Variants in DLGAP1 observed in about 807,000 individuals in gnomAD.
DLGAP1 encodes DLG associated protein 1.
Under a neutral mutation model 90.8 loss-of-function variants are expected in DLGAP1, and 11 were observed. The ratio of observed to expected loss-of-function variants is 0.12; its 90% CI spans 0.08 to 0.20. The LOEUF is 0.20. Ranked by LOEUF, DLGAP1 falls within the 10% of genes least tolerant of loss-of-function variation. The probability of loss-of-function intolerance (pLI) is 1.00; values close to 1 mark genes in which losing one functional copy is unlikely to be tolerated. For synonymous variants in DLGAP1, 558 were observed against 540.7 expected, an observed-to-expected ratio of 1.03 and a Z score of -0.44; for missense variants, 1,050 against 1,333.8, an observed-to-expected ratio of 0.79 and a Z score of 3.31.
At chr18:3,794,558 G>A (rs930813711) in intron 5 of DLGAP1, among the ~76,000 whole-genome samples, 2 of 152,230 alleles carry the variant, frequency 1.3e-5, no homozygotes, top group Non-Finnish European at 2.9e-5. Flanking sequence ...GAAGGTGGAA[G>A]GTTCCTCTAT....
At chr18:4,105,714 AT>A (rs1277843824) in intron 2 of DLGAP1, among the ~76,000 whole-genome samples, 2 of 152,220 alleles carry the variant, frequency 1.3e-5, no homozygotes, top group Non-Finnish European at 2.9e-5. Flanking sequence ...ATATCCAAAA[AT>A]CAGGAGAAAA....
intron 3 of DLGAP1, among the ~76,000 whole-genome samples, chr18:4,002,240 A>C (rs932676273): frequency 2.0e-5 from 3 of 152,032 alleles, no homozygotes; most frequent in African/African-American, 7.3e-5. Flanking sequence ...AAGCAACCAA[A>C]CTTTTAGTCT....
At chr18:3,780,711 A>C (rs1340619319) in intron 5 of DLGAP1, among the ~76,000 whole-genome samples, 3 of 152,196 alleles carry the variant, frequency 2.0e-5, no homozygotes, top group Non-Finnish European at 4.4e-5. Context: ...TAAGATGTGG[A>C]TATCTTTGCA....
chr18:3,538,461 TGAAA>T (rs2052507425), intron 9 of DLGAP1, among the ~76,000 whole-genome samples: 2 of 151,968 alleles, frequency 1.3e-5, no homozygotes, highest in African/African-American at 2.4e-5. Context: ...GTGCTAGCAA[TGAAA>T]GAAAGAACAA....
intron 2 of DLGAP1, among the ~76,000 whole-genome samples, chr18:4,112,122 C>A (rs1018971529): frequency 6.6e-6 from 1 of 151,876 alleles, no homozygotes; most frequent in Non-Finnish European, 1.5e-5. Context: ...CATTTTGGTA[C>A]GTTGTACTTT....
intron 3 of DLGAP1, among the ~76,000 whole-genome samples, chr18:3,984,817 T>G (rs570789956): frequency 9.2e-5 from 14 of 151,982 alleles, no homozygotes; most frequent in African/African-American, 3.4e-4. Flanking sequence ...CATCTCGGTG[T>G]TTGGGTCTTT....
chr18:4,336,156 G>A (rs1041101817), intron 1 of DLGAP1, among the ~76,000 whole-genome samples: 9 of 152,118 alleles, frequency 5.9e-5, no homozygotes, highest in Admixed American at 5.9e-4. Flanking sequence ...CCATTCATAG[G>A]TACTTTTGCT....
chr18:4,437,555 T>G (rs926759956), intron 1 of DLGAP1, among the ~76,000 whole-genome samples: 3 of 149,800 alleles, frequency 2.0e-5, no homozygotes, highest in African/African-American at 7.3e-5. Flanking sequence ...TAGGGAATGA[T>G]GACAAGAAAA....
intron 7 of DLGAP1, among the ~76,000 whole-genome samples, chr18:3,717,844 G>T (rs994600463): frequency 6.6e-6 from 1 of 152,182 alleles, no homozygotes; most frequent in African/African-American, 2.4e-5. Context: ...AAAGTGACTG[G>T]TATTTAAAGT....
chr18:3,976,160 A>G lies in DLGAP1; in HGVS notation c.-73+28956T>C, dbSNP rs576035836. ...TCGGGAGTTTGAGACCAGCCTGACC[A>G]ACATGGAGAAACCCGTCTCTACTAA... On this transcript the variant is annotated intron_variant, in intron 3 of 12. Transcript: ENST00000315677. Among the ~76,000 whole-genome samples the G allele has an allele frequency of 5.9e-5, 9 of 151,278 alleles. No individual in the cohort carries two copies. In the East Asian group the frequency reaches 1.4e-3, roughly 23 times the overall value.
At chr18:3,656,978 C>G (rs953867174) in intron 7 of DLGAP1, among the ~76,000 whole-genome samples, 3 of 152,006 alleles carry the variant, frequency 2.0e-5, no homozygotes, top group Non-Finnish European at 2.9e-5. Context: ...GATCTCCTGA[C>G]CTTGTGATCC....
chr18:4,062,343 C>T, intron 2 of DLGAP1, among the ~76,000 whole-genome samples: 1 of 152,080 alleles, frequency 6.6e-6, no homozygotes, highest in African/African-American at 2.4e-5. Flanking sequence ...CTTATCAAGC[C>T]AATAAAAGCC....
rs907536947 is a variant in DLGAP1 at position 4,298,634 on chromosome 18, G to T, written c.-266-147347C>A. Among the ~76,000 whole-genome samples, 4 of 151,414 alleles carry T rather than the reference G, an allele frequency of 2.6e-5. No homozygotes were observed. The South Asian group carries it at 8.4e-4, about 32-fold the overall frequency. On this transcript the variant is annotated intron_variant, in intron 1 of 12. Coordinates refer to ENST00000315677, the MANE Select transcript of DLGAP1 (RefSeq NM_004746.4). ...TCTGGGGACTGTTGTGGGGTGGGGG[G>T]AAAGGGGAGGGAAAGCATCGGGAGA...
intron 4 of DLGAP1, chr18:3,821,851 C>T: frequency 1.1e-6 from 1 of 947,326 alleles, no homozygotes. Context: ...ATGTGTTGGC[C>T]TTCTAAGCAC....
chr18:3,920,642 C>T (rs2039082746), intron 3 of DLGAP1, among the ~76,000 whole-genome samples: 1 of 152,088 alleles, frequency 6.6e-6, no homozygotes, highest in Admixed American at 6.5e-5. Context: ...ACTTGGCGTT[C>T]AGTTAGGGCG....
chr18:3,795,446 G>A (rs949203033), intron 5 of DLGAP1, among the ~76,000 whole-genome samples: 1 of 151,964 alleles, frequency 6.6e-6, no homozygotes, highest in African/African-American at 2.4e-5. Context: ...CTCCTGAGTA[G>A]CTGGGACTAC....
At chr18:3,534,815 C>T (rs2144505719) in intron 9 of DLGAP1, among the ~76,000 whole-genome samples, 200 bp from the exon 10 acceptor site, 1 of 151,758 alleles carries the variant, frequency 6.6e-6, no homozygotes, top group South Asian at 2.1e-4. Flanking sequence ...CCTCAGCCTC[C>T]CGAGTAGCTG....
At chr18:4,112,226 T>G (rs187983418) in intron 2 of DLGAP1, among the ~76,000 whole-genome samples, 370 of 152,220 alleles carry the variant, frequency 2.4e-3, no homozygotes, top group Non-Finnish European at 4.2e-3. Context: ...ACTTGAGAAT[T>G]TCCCCATTTT....
At chr18:4,422,589 A>C (rs754401127) in intron 1 of DLGAP1, among the ~76,000 whole-genome samples, 1 of 152,022 alleles carries the variant, frequency 6.6e-6, no homozygotes, top group Non-Finnish European at 1.5e-5. Flanking sequence ...ATTTCAATGT[A>C]ATTTAGATAT....
Sources: gnomAD v4.1 joint callset for allele counts (sites outside exome capture counted in the v4.1 genomes callset) on GRCh38, gnomAD v4.1.1 for gene constraint, MANE v1.5 for transcripts, NCBI Gene and HGNC (gene_info 2026-07-23, HGNC 2026-07-21) for gene names.